Variants in CDYL observed in about 807,000 individuals in gnomAD.
CDYL encodes chromodomain Y-like protein.
CDYL carries 8 observed loss-of-function variants against 47.3 expected under a neutral mutation model. The observed-to-expected ratio is 0.17, with a 90% CI of 0.10 to 0.31. The LOEUF (loss-of-function observed/expected upper bound fraction) is 0.31. Among genes scored for constraint, CDYL ranks in the 10% least tolerant of loss-of-function variants. CDYL has a pLI of 1.00. For synonymous variants in CDYL, 266 were observed against 265.0 expected (o/e 1.00, Z -0.04); for missense variants, 471 against 701.4 (o/e 0.67, Z 3.71).
intron 1 of CDYL, among the ~76,000 whole-genome samples, chr6:4,788,480 C>CAAAAAAAAAAAA (rs1220969716): frequency 8.2e-5 from 5 of 61,064 alleles, no homozygotes; most frequent in African/African-American, 1.5e-4. Flanking sequence ...GAGACTCTGT[C>CAAAAAAAAAAAA]AAAAAAAAAA....
chr6:4,860,547 AT>A (rs1761136500), intron 1 of CDYL, among the ~76,000 whole-genome samples: 1 of 147,844 alleles, frequency 6.8e-6, no homozygotes, highest in Non-Finnish European at 1.5e-5. Context: ...TATCATGTAT[AT>A]ATTACATATT....
At chr6:4,889,195 G>A (rs1269691122) in intron 1 of CDYL, among the ~76,000 whole-genome samples, 4 of 152,164 alleles carry the variant, frequency 2.6e-5, no homozygotes, top group African/African-American at 4.8e-5. Flanking sequence ...GCTGCCTGCC[G>A]GTTAACTCAA....
chr6:4,748,681 A>ACAC (rs57871036), intron 3 of CDYL, among the ~76,000 whole-genome samples: 2 of 151,750 alleles, frequency 1.3e-5, no homozygotes, highest in Non-Finnish European at 2.9e-5. Context: ...ACACACACAC[A>ACAC]AACAAATTTT....
chr6:4,867,864 C>A (rs1420678275), intron 1 of CDYL, among the ~76,000 whole-genome samples: 1 of 147,804 alleles, frequency 6.8e-6, no homozygotes, highest in African/African-American at 2.5e-5. Flanking sequence ...GGAATTTTTG[C>A]ATTTTGTCTA....
intron 2 of CDYL, among the ~76,000 whole-genome samples, chr6:4,719,587 G>A (rs994077406): frequency 2.0e-5 from 3 of 152,142 alleles, no homozygotes; most frequent in African/African-American, 4.8e-5. Flanking sequence ...TTTTCATGAA[G>A]ATTAAAATGA....
intron 3 of CDYL, among the ~76,000 whole-genome samples, chr6:4,744,794 A>T (rs943985053): frequency 2.0e-5 from 3 of 152,200 alleles, no homozygotes; most frequent in African/African-American, 7.2e-5. Flanking sequence ...CTCAGAGAGC[A>T]ACGCTAATCT....
chr6:4,892,826 C>A (rs1428704440), intron 2 of CDYL, among the ~76,000 whole-genome samples: 2 of 152,214 alleles, frequency 1.3e-5, no homozygotes, highest in African/African-American at 4.8e-5. Flanking sequence ...TCAGTGGGAG[C>A]GTTGCTAACC....
intron 2 of CDYL, among the ~76,000 whole-genome samples, chr6:4,718,332 G>C (rs967212634): frequency 5.3e-5 from 8 of 152,078 alleles, no homozygotes; most frequent in African/African-American, 1.9e-4. Flanking sequence ...AAGCTGGAAT[G>C]CAGTGGCACG....
At chr6:4,740,162 A>C (rs954081177) in intron 3 of CDYL, among the ~76,000 whole-genome samples, 1 of 152,148 alleles carries the variant, frequency 6.6e-6, no homozygotes, top group Non-Finnish European at 1.5e-5. Context: ...GTTATCTATC[A>C]AGAACAGGTG....
At chr6:4,861,141 A>G (rs1332788095) in intron 1 of CDYL, among the ~76,000 whole-genome samples, 1 of 152,256 alleles carries the variant, frequency 6.6e-6, no homozygotes, top group Admixed American at 6.5e-5. Context: ...AAACATAAAT[A>G]TCAATGAAAA....
chr6:4,933,609 A>G (rs148736770), intron 2 of CDYL, among the ~76,000 whole-genome samples: 1,867 of 152,314 alleles, frequency 0.012, 36 homozygotes, highest in African/African-American at 0.043. Context: ...CGAGATTGTC[A>G]AACGTTTTTA....
At chr6:4,902,480 C>T (rs948655305) in intron 2 of CDYL, among the ~76,000 whole-genome samples, 2 of 151,968 alleles carry the variant, frequency 1.3e-5, no homozygotes, top group Non-Finnish European at 2.9e-5. Flanking sequence ...CATGTTCCAG[C>T]GTTTGGGTGG....
intron 2 of CDYL, among the ~76,000 whole-genome samples, chr6:4,902,473 G>A (rs763543852): frequency 1.5e-4 from 22 of 151,466 alleles, no homozygotes; most frequent in Non-Finnish European, 2.4e-4. Flanking sequence ...TTAATGTCAT[G>A]TTCCAGCGTT....
intron 1 of CDYL, among the ~76,000 whole-genome samples, chr6:4,810,701 G>A (rs1411723051): frequency 1.3e-5 from 2 of 152,132 alleles, no homozygotes; most frequent in Non-Finnish European, 2.9e-5. Context: ...CCAAGGTCAA[G>A]GCACCCAGCA....
At chr6:4,913,213 G>A (rs1468661225) in intron 2 of CDYL, among the ~76,000 whole-genome samples, 1 of 152,134 alleles carries the variant, frequency 6.6e-6, no homozygotes, top group Non-Finnish European at 1.5e-5. Flanking sequence ...GCCAAGGAAC[G>A]AAAATCTCTT....
At chr6:4,874,012 A>G (rs747199090) in intron 1 of CDYL, among the ~76,000 whole-genome samples, 1 of 152,144 alleles carries the variant, frequency 6.6e-6, no homozygotes, top group Non-Finnish European at 1.5e-5. Context: ...CAAACCACAG[A>G]GTAAGATTGT....
At chr6:4,919,385 C>T (rs1757647170) in intron 2 of CDYL, among the ~76,000 whole-genome samples, 1 of 152,152 alleles carries the variant, frequency 6.6e-6, no homozygotes. Context: ...GAGATTCTTG[C>T]ACAATTTATC....
intron 1 of CDYL, chr6:4,714,230 T>C (rs984339656): frequency 4.0e-5 from 6 of 149,180 alleles, no homozygotes; most frequent in African/African-American, 1.5e-4. Context: ...CGGTGGGTAT[T>C]TACACCTGAC....
At chr6:4,776,146 C>T (rs1758436471), upstream of CDYL, among the ~76,000 whole-genome samples, 5 of 109,990 alleles carry the variant, frequency 4.5e-5, no homozygotes. Context: ...AGTCGGAGCC[C>T]CGCCCACCAC....
Sources: allele counts gnomAD v4.1 joint callset (sites outside exome capture counted in the v4.1 genomes callset), GRCh38; gene constraint gnomAD v4.1.1; transcripts MANE v1.5; gene names NCBI Gene and HGNC (gene_info 2026-07-23, HGNC 2026-07-21).